The following NYX variants were observed in gnomAD, a reference collection of about 807,000 sequenced individuals.
NYX encodes leucine-rich repeat protein.
For synonymous variants in NYX, 258 were observed against 245.7 expected (o/e 1.05, Z -0.47); for missense variants, 481 against 485.4 (o/e 0.99, Z 0.09).
chrX:41,472,433 A>C, intron 2 of NYX: 1 of 1,106,802 alleles, frequency 9.0e-7, no homozygotes, highest in Non-Finnish European at 1.2e-6. Context: ...CTGATGACTC[A>C]CCATGGCCAG....
At position 41,475,061 on chromosome X, in the gene NYX, C is replaced by G. The variant is rs1602181502; in HGVS notation, c.*162C>G. 1 of 490,032 alleles carries G rather than the reference C, an allele frequency of 2.0e-6. No homozygotes were observed. Among genetic ancestry groups the G allele is most frequent in the Non-Finnish European group, 3.6e-6 (1 of 280,143 alleles). The allele number at this position is 490,032 out of a possible 1,213,427, so 40.4% of individuals were successfully genotyped here. A position where few individuals can be genotyped will look rare whatever the true frequency, so the allele number is the denominator to read the frequency against. On this transcript the variant is annotated 3_prime_UTR_variant, in exon 3 of 3. Coordinates refer to ENST00000378220, the MANE Select transcript of NYX (RefSeq NM_001378477.3). The stretch of plus-strand genomic sequence containing the variant: ...AGGGAGAACACAGGGACGTGCCACT[C>G]GAGGGGGAGGATGGTATGGATTTCT...
chrX:41,464,923 C>T (rs780121665), intron 2 of NYX, among the ~76,000 whole-genome samples: 44 of 111,011 alleles, frequency 4.0e-4, no homozygotes, highest in Non-Finnish European at 7.9e-4. Context: ...AATAACTACT[C>T]GCCTCTCTTC....
chrX:41,462,465 G>A (rs1378271455), intron 2 of NYX, among the ~76,000 whole-genome samples: 1 of 112,091 alleles, frequency 8.9e-6, no homozygotes, highest in East Asian at 2.8e-4. Context: ...CTTGGCACCT[G>A]TTTTAGTCCC....
chrX:41,463,319 G>A lies in NYX; in HGVS notation c.23-10172G>A, dbSNP rs139461513. ...CCTTCTCATCCTTCATGTAATTGTT[G>A]TCATAGTTTTCATTTACGTGTTTTA... On this transcript the variant is annotated intron_variant, in intron 2 of 2. Coordinates refer to ENST00000378220, the MANE Select transcript of NYX (RefSeq NM_001378477.3). Among the ~76,000 whole-genome samples the A allele has an allele frequency of 6.6e-3, 732 of 111,223 alleles. 5 individuals carry two copies. The highest frequency in any genetic ancestry group is 0.023 in the African/African-American group (713 of 30,743).
In NYX at chrX:41,447,576, A is replaced by G. The variant is rs3013121; in HGVS notation, c.-57+60A>G. The G allele has an allele frequency of 0.34, 119,817 of 349,570 alleles. 15,207 individuals carry two copies. Among genetic ancestry groups the G allele is most frequent in the South Asian group, 0.58 (14,512 of 25,027 alleles). The allele number at this position is 349,570 out of a possible 1,213,427, so 28.8% of individuals were successfully genotyped here. ...CTCTGCAGGGGTTTCCTCTCCATCC[A>G]TTTCCTTGCTGGGTTGTCAGTGATG... On this transcript the variant is annotated intron_variant, in intron 1 of 2. Transcript: ENST00000378220.
rs1279825554 is a variant in NYX, at chrX:41,473,456, C to T, written c.23-35C>T. 13 of 960,681 alleles carry T rather than the reference C, an allele frequency of 1.4e-5. No homozygotes were observed. In the Admixed American group the frequency reaches 6.6e-4, roughly 49 times the overall value. The allele number at this position is 960,681 out of a possible 1,213,427, so 79.2% of individuals were successfully genotyped here. ...GGTTGCTCCTTTTTTCTCTTTTCTC[C>T]TCCTTCCCGACTCCCCACCACCCTG... is the stretch of plus-strand genomic sequence containing the variant. On this transcript the variant is annotated intron_variant, in intron 2 of 2. Transcript: ENST00000378220.
At chrX:41,467,434 A>G (rs769252848) in intron 2 of NYX, among the ~76,000 whole-genome samples, 1 of 110,117 alleles carries the variant, frequency 9.1e-6, no homozygotes, top group African/African-American at 3.3e-5. Context: ...GCTCACTGCA[A>G]CCTCTGCCTC....
At chrX:41,464,131 A>G (rs1203846929) in intron 2 of NYX, among the ~76,000 whole-genome samples, 4 of 102,553 alleles carry the variant, frequency 3.9e-5, no homozygotes, top group African/African-American at 7.1e-5. Context: ...CAGCGCTTAA[A>G]GAGCACTAAT....
chrX:41,448,757 G>A (rs764480102), intron 2 of NYX, among the ~76,000 whole-genome samples: 42 of 104,430 alleles, frequency 4.0e-4, no homozygotes, highest in Admixed American at 1.5e-3. Context: ...ACGGGGTTTC[G>A]CCATATTGCC....
At chrX:41,464,757 A>G (rs1460647523) in intron 2 of NYX, among the ~76,000 whole-genome samples, 2 of 109,098 alleles carry the variant, frequency 1.8e-5, no homozygotes, top group Non-Finnish European at 3.8e-5. Context: ...ACTGTCATCA[A>G]CTATCTTTTA....
At position 41,474,125 on chromosome X, in the gene NYX, C is replaced by T; in HGVS notation, c.657C>T (p.Gly219=). Residue 219 remains glycine, a synonymous_variant, in exon 3 of 3, where the codon GGC becomes GGT. Coordinates refer to ENST00000378220, the MANE Select transcript of NYX (RefSeq NM_001378477.3). The part of the protein sequence containing the change: ...QANRVRAVHA[G]AFGDCGVLEH... ...ACCGCGTCCGTGCCGTGCACGCTGGCGCCTTCGGGGACTGTGGCGTCCTGG... is the reference window on the plus strand; with the variant it reads ...ACCGCGTCCGTGCCGTGCACGCTGGTGCCTTCGGGGACTGTGGCGTCCTGG... 8.9e-7 allele frequency: 1 copy of T among 1,127,998 alleles called. No homozygotes were observed. Among genetic ancestry groups the T allele is most frequent in the South Asian group, 2.1e-5 (1 of 48,522 alleles). The allele number at this position is 1,127,998 out of a possible 1,213,427, so 93.0% of individuals were successfully genotyped here. A position where few individuals can be genotyped will look rare whatever the true frequency, so the allele number is the denominator to read the frequency against.
chrX:41,475,045 A>G lies in NYX; in HGVS notation c.*146A>G, dbSNP rs2064385568. 2 of 528,712 alleles carry G rather than the reference A, an allele frequency of 3.8e-6. No individual in the cohort carries two copies. Among genetic ancestry groups the G allele is most frequent in the South Asian group, 5.4e-5 (2 of 37,069 alleles). The allele number at this position is 528,712 out of a possible 1,213,427, so 43.6% of individuals were successfully genotyped here. A position where few individuals can be genotyped will look rare whatever the true frequency, so the allele number is the denominator to read the frequency against. On this transcript the variant is annotated 3_prime_UTR_variant, in exon 3 of 3. Coordinates refer to ENST00000378220, the MANE Select transcript of NYX (RefSeq NM_001378477.3). ...CTCCAGAGATGGCCCCAGGGAGAAC[A>G]CAGGGACGTGCCACTCGAGGGGGAG... is the stretch of plus-strand genomic sequence containing the variant.
In NYX at chrX:41,473,688, G is replaced by A. The variant is rs2064372693; in HGVS notation, c.220G>A (p.Glu74Lys). ...CCGGAACGGCCTGCGCTTCCTGGGC[G>A]AGCGAGCCTTCGGCACGCTGCCGTC... ...LDRNGLRFLG[E>K]RAFGTLPSLR... is the part of the protein sequence containing the mutation. Residue 74 changes from glutamate (E) to lysine (K), a missense_variant, in exon 3 of 3, where the codon GAG becomes AAG. Physicochemically the swap from Glu to Lys is moderately conservative, Grantham distance 56. Transcript: ENST00000378220. 1.8e-6 allele frequency: 2 copies of A among 1,135,183 alleles called. No individual in the cohort carries two copies. Among genetic ancestry groups the A allele is most frequent in the South Asian group, 2.0e-5 (1 of 50,852 alleles). The allele number at this position is 1,135,183 out of a possible 1,213,427, so 93.6% of individuals were successfully genotyped here.
At chrX:41,469,534 C>T (rs1039429891) in intron 2 of NYX, among the ~76,000 whole-genome samples, 10 of 98,733 alleles carry the variant, frequency 1.0e-4, no homozygotes, top group Admixed American at 9.5e-4. Context: ...TAGCAGGCCA[C>T]GATGACATTC....
chrX:41,474,050 C>T lies in NYX; in HGVS notation c.582C>T (p.Ser194=). Residue 194 remains serine (S), a synonymous_variant, in exon 3 of 3, where the codon TCC becomes TCT. Coordinates refer to ENST00000378220, the MANE Select transcript of NYX (RefSeq NM_001378477.3). ...LERGRIEAVA[S]SSLQGLRRLR... ...GCGGCCGCATCGAGGCGGTGGCCTC[C>T]AGCTCGCTGCAGGGCCTGCGCCGCC... 9.4e-7 allele frequency: 1 copy of T among 1,061,921 alleles called. No homozygotes were observed. The highest frequency in any genetic ancestry group is 1.2e-6 in the Non-Finnish European group (1 of 830,499). 87.5% of individuals were successfully genotyped at this position (1,061,921 alleles called of 1,213,427 possible). A position where few individuals can be genotyped will look rare whatever the true frequency, so the allele number is the denominator to read the frequency against.
At chrX:41,462,201 T>C (rs2064322833) in intron 2 of NYX, among the ~76,000 whole-genome samples, 1 of 112,463 alleles carries the variant, frequency 8.9e-6, no homozygotes, top group Admixed American at 9.5e-5. Context: ...TGTATGGCTA[T>C]ATCATTTGTT....
At chrX:41,463,074 C>T (rs1156370000) in intron 2 of NYX, among the ~76,000 whole-genome samples, 4 of 111,357 alleles carry the variant, frequency 3.6e-5, no homozygotes, top group Non-Finnish European at 1.9e-5. Context: ...AAGATACTCT[C>T]CTGTGTTATC....
rs774940665 is a variant in NYX, at chrX:41,463,818, C to A, written c.23-9673C>A. 5.4e-5 allele frequency among the ~76,000 whole-genome samples: 6 copies of A among 110,865 alleles called. No homozygotes were observed. In the East Asian group the frequency reaches 1.7e-3, roughly 32 times the overall value. On this transcript the variant is annotated intron_variant, in intron 2 of 2. Coordinates refer to ENST00000378220, the MANE Select transcript of NYX (RefSeq NM_001378477.3). Reference sequence around the variant, plus strand: ...TCCTGACCTCAGGTGATCCACCCCCCCATCGGCCTCCCAAAGTGCTGGGAT... The same window carrying A: ...TCCTGACCTCAGGTGATCCACCCCCACATCGGCCTCCCAAAGTGCTGGGAT...
At chrX:41,462,847 AC>A (rs201636261) in intron 2 of NYX, among the ~76,000 whole-genome samples, 1,512 of 112,280 alleles carry the variant, frequency 0.013, 29 homozygotes, top group African/African-American at 0.046. Flanking sequence ...TATTTTAAAT[AC>A]AAGTCTTTAA....
Sources: allele counts gnomAD v4.1 joint callset (sites outside exome capture counted in the v4.1 genomes callset), GRCh38; gene constraint gnomAD v4.1.1; transcripts MANE v1.5; gene names NCBI Gene and HGNC (gene_info 2026-07-23, HGNC 2026-07-21).